The following SLIT3 variants were observed in gnomAD, a reference collection of about 807,000 sequenced individuals.
The protein encoded by SLIT3 is slit homolog 3 protein.
Under a neutral mutation model 184.0 loss-of-function variants are expected in SLIT3, and 68 were observed. That is an observed-to-expected ratio of 0.37 (90% CI 0.30 to 0.45). The LOEUF (loss-of-function observed/expected upper bound fraction) is 0.45. Ranked by LOEUF, SLIT3 falls within the 20% of genes least tolerant of loss-of-function variation. The pLI, the probability that SLIT3 is intolerant of heterozygous loss-of-function variation, is 1.00. For missense variants in SLIT3, 1,707 were observed against 2,026.0 expected (o/e 0.84, Z 3.02); for synonymous variants, 831 against 828.6 (o/e 1.00, Z -0.05).
chr5:168,700,007 TA>T (rs1224980996), intron 27 of SLIT3, among the ~76,000 whole-genome samples: 1 of 152,228 alleles, frequency 6.6e-6, no homozygotes, highest in African/African-American at 2.4e-5. Flanking sequence ...AATGTAACTC[TA>T]GGCAGAGGAT....
At chr5:169,162,242 G>A (rs548392515) in intron 4 of SLIT3, among the ~76,000 whole-genome samples, 100 of 152,292 alleles carry the variant, frequency 6.6e-4, no homozygotes, top group Middle Eastern at 3.4e-3. Flanking sequence ...CTTGGTAGAT[G>A]TGCAAATTAT....
rs1642452520 is a variant in SLIT3, at chr5:169,300,855, A to G, written c.-146T>C. The stretch of plus-strand genomic sequence containing the variant: ...AGGGGCGAGCTCGGTGCTCAGGCGC[A>G]CGGGGCGCGGGCGGAGCGGGGCGCT... On this transcript the variant is annotated 5_prime_UTR_variant, in exon 1 of 36. Transcript: ENST00000519560. The surrounding 1 kb of genome is among the most constrained non-coding windows in gnomAD (Gnocchi z 4.1). The G allele has an allele frequency of 7.6e-6, 6 of 784,472 alleles. No individual in the cohort carries two copies. Among genetic ancestry groups the G allele is most frequent in the Non-Finnish European group, 1.0e-5 (6 of 594,092 alleles). The allele number at this position is 784,472 out of a possible 1,614,324, so 48.6% of individuals were successfully genotyped here. A position where few individuals can be genotyped will look rare whatever the true frequency, so the allele number is the denominator to read the frequency against.
chr5:168,881,417 G>A (rs1759948448), intron 5 of SLIT3, among the ~76,000 whole-genome samples: 1 of 152,204 alleles, frequency 6.6e-6, no homozygotes, highest in Non-Finnish European at 1.5e-5. Context: ...GCAATTAACT[G>A]TCCAGCTCTG....
intron 4 of SLIT3, among the ~76,000 whole-genome samples, chr5:168,959,609 T>C (rs1033430569): frequency 3.9e-5 from 6 of 152,182 alleles, no homozygotes; most frequent in Non-Finnish European, 5.9e-5. Context: ...AGGTGGTCTC[T>C]CCAGAACAGA....
chr5:168,938,219 C>T (rs1762221215), intron 4 of SLIT3, among the ~76,000 whole-genome samples: 1 of 152,118 alleles, frequency 6.6e-6, no homozygotes, highest in South Asian at 2.1e-4. Context: ...CATATTCTGG[C>T]TAAATACTAG....
chr5:169,211,386 T>G (rs772567916), intron 3 of SLIT3, among the ~76,000 whole-genome samples: 8 of 152,176 alleles, frequency 5.3e-5, no homozygotes, highest in Non-Finnish European at 1.0e-4. Flanking sequence ...GTAATTCCTT[T>G]GCTCAAAAGC....
At chr5:168,760,971 G>A (rs368614679) in intron 15 of SLIT3, 35 bp from the exon 16 acceptor site, 4 of 1,518,918 alleles carry the variant, frequency 2.6e-6, no homozygotes, top group East Asian at 2.3e-5. Context: ...TAGGTTAGCT[G>A]TGGACGAGGC....
chr5:169,151,187 T>C (rs1464794068), intron 4 of SLIT3, among the ~76,000 whole-genome samples: 2 of 152,152 alleles, frequency 1.3e-5, no homozygotes, highest in Non-Finnish European at 2.9e-5. Flanking sequence ...ACTGAGCAAG[T>C]GATTCCTTGC....
intron 4 of SLIT3, among the ~76,000 whole-genome samples, chr5:168,911,290 G>A (rs1384721925): frequency 4.6e-5 from 7 of 152,214 alleles, no homozygotes; most frequent in Admixed American, 2.0e-4. Context: ...TGGAGCTGCC[G>A]GTAGCTATCC....
intron 4 of SLIT3, among the ~76,000 whole-genome samples, chr5:169,132,474 C>T (rs957357750): frequency 6.6e-6 from 1 of 152,100 alleles, no homozygotes; most frequent in Admixed American, 6.5e-5. Flanking sequence ...CCACGTGCCA[C>T]CAAAAATCAT....
intron 5 of SLIT3, among the ~76,000 whole-genome samples, chr5:168,876,730 T>C (rs942153175): frequency 6.6e-5 from 10 of 152,226 alleles, no homozygotes; most frequent in Non-Finnish European, 1.5e-4. Context: ...CCATGGCCTA[T>C]GACTGCGGGT....
At chr5:169,218,519 G>A (rs975461597) in intron 3 of SLIT3, among the ~76,000 whole-genome samples, 9 of 152,198 alleles carry the variant, frequency 5.9e-5, no homozygotes, top group Non-Finnish European at 1.0e-4. Flanking sequence ...ACATCTCCAG[G>A]TGACTGGCGG....
chr5:169,209,335 C>A (rs1473969440), intron 3 of SLIT3, among the ~76,000 whole-genome samples: 1 of 152,190 alleles, frequency 6.6e-6, no homozygotes, highest in African/African-American at 2.4e-5. Context: ...GAAATAGGAA[C>A]ACTTTTACAC....
chr5:169,286,698 A>G (rs577248826), intron 1 of SLIT3, among the ~76,000 whole-genome samples: 10 of 152,310 alleles, frequency 6.6e-5, no homozygotes, highest in Non-Finnish European at 1.5e-4. Context: ...AAAATTCCCC[A>G]GAGCCGCCTC....
intron 3 of SLIT3, among the ~76,000 whole-genome samples, chr5:169,241,836 A>G (rs1765413340): frequency 1.3e-5 from 2 of 152,292 alleles, no homozygotes; most frequent in South Asian, 4.2e-4. Context: ...GGGTACTTTC[A>G]TGGGGGAATA....
intron 4 of SLIT3, among the ~76,000 whole-genome samples, chr5:168,918,122 G>A (rs1761505729): frequency 6.6e-6 from 1 of 152,016 alleles, no homozygotes; most frequent in South Asian, 2.1e-4. Context: ...CTTCAGAGAT[G>A]TTATATTAGA....
chr5:168,687,866 T>C (rs1156523949), intron 29 of SLIT3, among the ~76,000 whole-genome samples: 1 of 152,220 alleles, frequency 6.6e-6, no homozygotes, highest in Non-Finnish European at 1.5e-5. Flanking sequence ...AAGTGGCTCA[T>C]ATTACCTGGG....
intron 7 of SLIT3, among the ~76,000 whole-genome samples, 169 bp from the exon 8 acceptor site, chr5:168,817,632 A>T (rs980901951): frequency 1.3e-5 from 2 of 152,064 alleles, no homozygotes; most frequent in Non-Finnish European, 2.9e-5. Context: ...GGGAGCCCCA[A>T]CCCTTTCATT....
intron 1 of SLIT3, among the ~76,000 whole-genome samples, chr5:169,282,794 T>C (rs935154353): frequency 6.6e-6 from 1 of 152,348 alleles, no homozygotes; most frequent in Admixed American, 6.5e-5. Flanking sequence ...CTGAATGTTT[T>C]ACATATCTTA....
Sources: gnomAD v4.1 joint callset for allele counts (sites outside exome capture counted in the v4.1 genomes callset) on GRCh38, gnomAD v4.1.1 for gene constraint, Gnocchi (gnomAD v3.1) non-coding constraint, MANE v1.5 for transcripts, NCBI Gene and HGNC (gene_info 2026-07-23, HGNC 2026-07-21) for gene names.